MNAT1: variants seen among roughly 807,000 people sequenced by gnomAD.
The protein encoded by MNAT1 is CDK-activating kinase assembly factor MAT1.
Under a neutral mutation model 42.0 loss-of-function variants are expected in MNAT1, and 43 were observed. The observed-to-expected ratio is 1.02, with a 90% CI of 0.80 to 1.32. MNAT1 has a LOEUF of 1.32. Ranked by LOEUF, MNAT1 falls within the 40% of genes most tolerant of loss-of-function variation. The probability of loss-of-function intolerance (pLI) is 0.00; values close to 1 mark genes in which losing one functional copy is unlikely to be tolerated. For missense variants in MNAT1, 306 were observed against 350.4 expected (o/e 0.87, Z 1.01); for synonymous variants, 118 against 120.0 (o/e 0.98, Z 0.11).
chr14:60,945,755 A>G (rs1400473134), intron 7 of MNAT1, among the ~76,000 whole-genome samples: 1 of 152,190 alleles, frequency 6.6e-6, no homozygotes, highest in Non-Finnish European at 1.5e-5. Flanking sequence ...GAAGCTGGAG[A>G]AGATCCCATA....
At chr14:60,924,378 C>A in intron 7 of MNAT1, among the ~76,000 whole-genome samples, 2 of 76,914 alleles carry the variant, frequency 2.6e-5, no homozygotes, top group Non-Finnish European at 3.2e-5. Context: ...AATTCAGTGC[C>A]TGTTTAAAAA....
chr14:60,869,497 T>G, intron 6 of MNAT1, among the ~76,000 whole-genome samples: 1 of 151,898 alleles, frequency 6.6e-6, no homozygotes, highest in East Asian at 1.9e-4. Flanking sequence ...TTACACAGAG[T>G]TTAACAGGCT....
At chr14:60,884,702 T>C (rs969407434) in intron 7 of MNAT1, among the ~76,000 whole-genome samples, 1 of 152,138 alleles carries the variant, frequency 6.6e-6, no homozygotes, top group East Asian at 1.9e-4. Flanking sequence ...ATTTATCTTT[T>C]AGTTTTCCTA....
intron 7 of MNAT1, among the ~76,000 whole-genome samples, chr14:60,941,418 G>A (rs576997428): frequency 2.6e-4 from 39 of 152,292 alleles, no homozygotes; most frequent in Admixed American, 4.6e-4. Context: ...AGTTTCTGAT[G>A]GCTCGGCACA....
intron 6 of MNAT1, among the ~76,000 whole-genome samples, chr14:60,867,927 A>C (rs563729530): frequency 2.6e-5 from 4 of 152,272 alleles, no homozygotes; most frequent in Non-Finnish European, 1.5e-5. Flanking sequence ...ATATGGGGAA[A>C]AATGAATTAT....
At chr14:60,773,180 G>C (rs2031126246) in intron 1 of MNAT1, among the ~76,000 whole-genome samples, 1 of 152,054 alleles carries the variant, frequency 6.6e-6, no homozygotes. Flanking sequence ...CTCGTGACCT[G>C]CCCGCCTTTG....
intron 7 of MNAT1, among the ~76,000 whole-genome samples, chr14:60,900,011 G>T (rs1157526432): frequency 6.6e-6 from 1 of 150,956 alleles, no homozygotes; most frequent in African/African-American, 2.4e-5. Flanking sequence ...TAATAAATGT[G>T]TGTGTTCTGA....
At chr14:60,796,104 G>T in intron 1 of MNAT1, 113 bp from the exon 2 acceptor site, 1 of 849,374 alleles carries the variant, frequency 1.2e-6, no homozygotes, top group Non-Finnish European at 1.7e-6. Flanking sequence ...ATTTTAAATA[G>T]AAGTGACTAG....
At chr14:60,881,019 T>C (rs963226029) in intron 7 of MNAT1, among the ~76,000 whole-genome samples, 1 of 152,240 alleles carries the variant, frequency 6.6e-6, no homozygotes, top group African/African-American at 2.4e-5. Context: ...ATCTTTAAAA[T>C]AAATTTACTT....
At chr14:60,736,189 T>G (rs1380908709) in intron 1 of MNAT1, among the ~76,000 whole-genome samples, 4 of 152,192 alleles carry the variant, frequency 2.6e-5, no homozygotes, top group Non-Finnish European at 5.9e-5. Context: ...AAGGGAATTC[T>G]ACATGGAAAA....
intron 6 of MNAT1, among the ~76,000 whole-genome samples, chr14:60,860,416 G>A (rs1188670235): frequency 4.2e-5 from 6 of 142,758 alleles, no homozygotes; most frequent in Non-Finnish European, 9.0e-5. Context: ...GCAGTGGCGC[G>A]ATCTCTGCTC....
At chr14:60,746,471 C>T (rs1459011376) in intron 1 of MNAT1, among the ~76,000 whole-genome samples, 2 of 150,518 alleles carry the variant, frequency 1.3e-5, no homozygotes, top group African/African-American at 4.9e-5. Context: ...GCCGAGACCG[C>T]ACCACTGCAC....
intron 7 of MNAT1, among the ~76,000 whole-genome samples, chr14:60,889,488 C>T (rs1343522327): frequency 6.6e-6 from 1 of 151,962 alleles, no homozygotes; most frequent in East Asian, 1.9e-4. Context: ...GATCTAAAAC[C>T]ATAAAAACCC....
chr14:60,857,802 C>T (rs2033999377), intron 6 of MNAT1, among the ~76,000 whole-genome samples: 1 of 141,456 alleles, frequency 7.1e-6, no homozygotes, highest in African/African-American at 2.5e-5. Context: ...TCAACTCTCA[C>T]TTATGAGTGA....
At position 60,904,976 on chromosome 14, in the gene MNAT1, C is replaced by CTTT. The variant is rs3081651; in HGVS notation, c.809+25156_809+25158dup. ...AAAACAATAGATTGTTCAGCAGTTC[C>CTTT]TTTTTTTTTTTTTTTTTGGACGGAG... On this transcript the variant is annotated intron_variant, in intron 7 of 7. Transcript: ENST00000261245. 4.4e-4 allele frequency among the ~76,000 whole-genome samples: 35 copies of CTTT among 79,010 alleles called. 2 individuals are homozygous for CTTT. Among genetic ancestry groups the CTTT allele is most frequent in the African/African-American group, 1.3e-3 (30 of 22,468 alleles). The allele number at this position is 79,010 out of a possible 152,430, so 51.8% of individuals were successfully genotyped here.
In MNAT1 at chr14:60,768,970, T is replaced by A. The variant is rs1178965809; in HGVS notation, c.90-27247T>A. Among the ~76,000 whole-genome samples the A allele has an allele frequency of 2.0e-5, 3 of 152,344 alleles. No individual in the cohort carries two copies. The East Asian group carries it at 5.8e-4, about 29-fold the overall frequency. ...ATGTTGAGTTTACATTTTTAAGTTATTTTTTTGCATACAAAAAGTGTATAT... is the reference window on the plus strand; with the variant it reads ...ATGTTGAGTTTACATTTTTAAGTTAATTTTTTGCATACAAAAAGTGTATAT... On this transcript the variant is annotated intron_variant, in intron 1 of 7. Transcript: ENST00000261245.
chr14:60,858,627 T>A (rs1229974369), intron 6 of MNAT1, among the ~76,000 whole-genome samples: 4 of 152,166 alleles, frequency 2.6e-5, no homozygotes, highest in South Asian at 4.1e-4. Flanking sequence ...TACAGAGAAC[T>A]CTTTCATGAA....
chr14:60,781,085 A>G (rs569457978), intron 1 of MNAT1, among the ~76,000 whole-genome samples: 1 of 152,306 alleles, frequency 6.6e-6, no homozygotes, highest in Non-Finnish European at 1.5e-5. Flanking sequence ...TTTGACCTTC[A>G]TTTCATGCAT....
intron 6 of MNAT1, among the ~76,000 whole-genome samples, chr14:60,878,106 T>A (rs2034472278): frequency 2.6e-5 from 4 of 152,106 alleles, no homozygotes; most frequent in Admixed American, 2.6e-4. Flanking sequence ...ATGTCAAAGT[T>A]GTTTAGTAAA....
Sources: allele counts gnomAD v4.1 joint callset (sites outside exome capture counted in the v4.1 genomes callset), GRCh38; gene constraint gnomAD v4.1.1; transcripts MANE v1.5; gene names NCBI Gene and HGNC (gene_info 2026-07-23, HGNC 2026-07-21).